The following TXNDC16 variants were observed in gnomAD, a reference collection of about 807,000 sequenced individuals.
The protein encoded by TXNDC16 is thioredoxin domain-containing protein 16.
A neutral mutation model predicts 85.6 loss-of-function variants in TXNDC16; 74 were observed. That is an observed-to-expected ratio of 0.86 (90% CI 0.72 to 1.05). The LOEUF (loss-of-function observed/expected upper bound fraction) is 1.05. Ranked by LOEUF, TXNDC16 falls within the 50% of genes least tolerant of loss-of-function variation. The pLI is 0.00. For synonymous variants in TXNDC16, 335 were observed against 326.5 expected, an observed-to-expected ratio of 1.03 and a Z score of -0.28; for missense variants, 959 against 947.0, an observed-to-expected ratio of 1.01 and a Z score of -0.17.
chr14:52,455,966 C>T (rs1002811153), intron 17 of TXNDC16, among the ~76,000 whole-genome samples: 2 of 152,170 alleles, frequency 1.3e-5, no homozygotes. Context: ...ACACAGACTT[C>T]AAATGAGGTG....
chr14:52,462,188 A>T (rs567927993), intron 16 of TXNDC16, among the ~76,000 whole-genome samples: 264 of 149,120 alleles, frequency 1.8e-3, no homozygotes, highest in African/African-American at 6.4e-3. Context: ...TTTCTCTTTT[A>T]TTTTTTTAAA....
chr14:52,454,262 C>CA (rs1314951189), intron 18 of TXNDC16, among the ~76,000 whole-genome samples: 1 of 150,624 alleles, frequency 6.6e-6, no homozygotes, highest in East Asian at 2.0e-4. Context: ...CCTGTCTCTA[C>CA]AAAAAAATAC....
intron 20 of TXNDC16, among the ~76,000 whole-genome samples, chr14:52,433,918 T>G (rs921491086): frequency 4.6e-5 from 7 of 152,132 alleles, no homozygotes; most frequent in African/African-American, 1.7e-4. Flanking sequence ...GTGGCTCACA[T>G]GTACAATCCC....
At chr14:52,452,895 A>G (rs190322557) in intron 18 of TXNDC16, among the ~76,000 whole-genome samples, 1 of 152,264 alleles carries the variant, frequency 6.6e-6, no homozygotes, top group East Asian at 1.9e-4. Flanking sequence ...GTGGAGAGAG[A>G]GCCCACAGAA....
chr14:52,437,863 A>G (rs1170855367), intron 20 of TXNDC16, among the ~76,000 whole-genome samples: 1 of 152,338 alleles, frequency 6.6e-6, no homozygotes, highest in Admixed American at 6.5e-5. Flanking sequence ...CTACAATGAG[A>G]TATCACCTCA....
At chr14:52,496,880 G>T (rs2036545852) in intron 9 of TXNDC16, among the ~76,000 whole-genome samples, 1 of 151,960 alleles carries the variant, frequency 6.6e-6, no homozygotes, top group East Asian at 1.9e-4. Flanking sequence ...CAAAGTGCCG[G>T]GATTATAGGC....
At chr14:52,505,087 T>C (rs1344620168) in intron 9 of TXNDC16, among the ~76,000 whole-genome samples, 1 of 152,206 alleles carries the variant, frequency 6.6e-6, no homozygotes, top group African/African-American at 2.4e-5. Context: ...CTTAGCGACC[T>C]ACAAAGAGAC....
chr14:52,513,158 G>C (rs1268344688), intron 8 of TXNDC16, among the ~76,000 whole-genome samples: 1 of 152,110 alleles, frequency 6.6e-6, no homozygotes, highest in Non-Finnish European at 1.5e-5. Context: ...TATCATAAAT[G>C]CTTTTCTTAA....
In TXNDC16 at chr14:52,432,011, AT is replaced by A; in HGVS notation, c.*292del. 1 of 255,590 alleles carries A rather than the reference AT, an allele frequency of 3.9e-6. No individual in the cohort carries two copies. The highest frequency in any genetic ancestry group is 7.4e-6 in the Non-Finnish European group (1 of 135,876). 15.8% of individuals were successfully genotyped at this position (255,590 alleles called of 1,614,324 possible). The stretch of plus-strand genomic sequence containing the variant: ...GCAGTAAGTATAAAATATGTACTGC[AT>A]TTAGAAGACTTGGTACAAAAAAGGA... On this transcript the variant is annotated 3_prime_UTR_variant, in exon 21 of 21. Coordinates refer to ENST00000281741, the MANE Select transcript of TXNDC16 (RefSeq NM_020784.3).
Position 52,432,585 on chromosome 14 carries a change from T to C in TXNDC16, c.2197A>G (p.Ile733Val). ...LEAGLENHIT[I>V]LPAQEWKPPL... Reference sequence around the variant, plus strand: ...GGTTTCCATTCTTGAGCAGGTAAAATTGCTGGAAGGAAGAAACAATCAAAG... The same window carrying C: ...GGTTTCCATTCTTGAGCAGGTAAAACTGCTGGAAGGAAGAAACAATCAAAG... The change falls in exon 21 of 21, where the codon ATT (isoleucine) becomes GTT (valine). Residue 733 changes from isoleucine (I) to valine (V), a missense_variant and splice_region_variant. Ile to Val is a conservative substitution (Grantham distance 29). Coordinates refer to ENST00000281741, the MANE Select transcript of TXNDC16 (RefSeq NM_020784.3). 1 of 1,599,546 alleles carries C rather than the reference T, an allele frequency of 6.3e-7. No individual in the cohort carries two copies. The highest frequency in any genetic ancestry group is 1.1e-5 in the South Asian group (1 of 88,082).
intron 9 of TXNDC16, among the ~76,000 whole-genome samples, chr14:52,497,672 G>A (rs903351835): frequency 1.3e-5 from 2 of 152,192 alleles, no homozygotes; most frequent in African/African-American, 4.8e-5. Context: ...CTGAGCTCAG[G>A]AGTTCGAGAC....
At chr14:52,547,049 G>C (rs1267183552) in intron 1 of TXNDC16, among the ~76,000 whole-genome samples, 1 of 152,242 alleles carries the variant, frequency 6.6e-6, no homozygotes, top group East Asian at 1.9e-4. Context: ...AGTACTGTGT[G>C]ATGGTTGCTG....
intron 14 of TXNDC16, among the ~76,000 whole-genome samples, chr14:52,475,247 GAGA>G (rs1405102270): frequency 3.9e-5 from 6 of 152,334 alleles, no homozygotes; most frequent in African/African-American, 9.6e-5. Context: ...GAGGCACTCA[GAGA>G]AGGCCACAGA....
intron 6 of TXNDC16, among the ~76,000 whole-genome samples, chr14:52,520,598 A>G (rs1412056101): frequency 3.3e-5 from 5 of 152,186 alleles, no homozygotes; most frequent in Admixed American, 2.6e-4. Flanking sequence ...CGACAGAGCG[A>G]GATTCTGTCT....
intron 4 of TXNDC16, among the ~76,000 whole-genome samples, chr14:52,539,107 A>T (rs1299563935): frequency 6.6e-6 from 1 of 152,186 alleles, no homozygotes; most frequent in African/African-American, 2.4e-5. Context: ...CCAAATAAAA[A>T]TATTTAGCTT....
intron 20 of TXNDC16, among the ~76,000 whole-genome samples, chr14:52,433,352 G>A (rs926176170): frequency 6.6e-6 from 1 of 152,080 alleles, no homozygotes; most frequent in Non-Finnish European, 1.5e-5. Flanking sequence ...CCATTTACTA[G>A]ACAGTTTACA....
chr14:52,485,439 A>T (rs2036246639), intron 12 of TXNDC16, among the ~76,000 whole-genome samples: 1 of 152,218 alleles, frequency 6.6e-6, no homozygotes, highest in Non-Finnish European at 1.5e-5. Flanking sequence ...TATTGAAAAA[A>T]AATTTATAAA....
rs141549907 is a variant in TXNDC16, at chr14:52,492,217, C to T, written c.757-1212G>A. ...CCAAATGTTGAGACGTTCCCCTCAC[C>T]CCAGGTCCCTTTCCACTCAGTTCCC... On this transcript the variant is annotated intron_variant, in intron 9 of 20. Transcript: ENST00000281741. Among the ~76,000 whole-genome samples the T allele has an allele frequency of 2.2e-3, 339 of 152,264 alleles. 2 individuals are homozygous for T. Among genetic ancestry groups the T allele is most frequent in the African/African-American group, 7.9e-3 (328 of 41,524 alleles).
intron 6 of TXNDC16, among the ~76,000 whole-genome samples, chr14:52,524,713 T>A (rs2037287128): frequency 6.6e-6 from 1 of 152,082 alleles, no homozygotes; most frequent in South Asian, 2.1e-4. Flanking sequence ...CAGGCTGGTC[T>A]TGAACTCCTG....
Sources: allele counts gnomAD v4.1 joint callset (sites outside exome capture counted in the v4.1 genomes callset), GRCh38; gene constraint gnomAD v4.1.1; transcripts MANE v1.5; gene names NCBI Gene and HGNC (gene_info 2026-07-23, HGNC 2026-07-21).